YY1: variants seen among roughly 807,000 people sequenced by gnomAD.
YY1 encodes transcriptional repressor protein YY1.
In YY1, 2 loss-of-function variants were observed where a neutral mutation model predicts 35.6. The ratio of observed to expected loss-of-function variants is 0.06; its 90% CI spans 0.02 to 0.18. The LOEUF (loss-of-function observed/expected upper bound fraction) is 0.18, where lower values mean the gene tolerates loss of function less well. YY1 is among the 10% of genes least tolerant of loss of function. The pLI, the probability that YY1 is intolerant of heterozygous loss-of-function variation, is 1.00. For missense variants in YY1, 322 were observed against 573.4 expected (o/e 0.56, Z 4.48); for synonymous variants, 268 against 238.9 (o/e 1.12, Z -1.12).
chr14:100,246,339 CAT>C (rs1470912284), intron 1 of YY1, among the ~76,000 whole-genome samples: 1 of 152,228 alleles, frequency 6.6e-6, no homozygotes, highest in African/African-American at 2.4e-5. Context: ...TTGTGGGGGA[CAT>C]GTGCCTTCTC....
chr14:100,274,238 T>C (rs1891288313), intron 2 of YY1, among the ~76,000 whole-genome samples: 1 of 152,220 alleles, frequency 6.6e-6, no homozygotes, highest in Non-Finnish European at 1.5e-5. Context: ...AGATGGATAT[T>C]TTAGGACACT....
At chr14:100,244,749 A>T (rs1197621867) in intron 1 of YY1, among the ~76,000 whole-genome samples, 1 of 151,640 alleles carries the variant, frequency 6.6e-6, no homozygotes, top group East Asian at 1.9e-4. Flanking sequence ...TTTTTTAGGC[A>T]TGGGGTCTCC....
At chr14:100,272,781 G>A (rs1344311722) in intron 2 of YY1, among the ~76,000 whole-genome samples, 2 of 151,684 alleles carry the variant, frequency 1.3e-5, no homozygotes, top group Non-Finnish European at 2.9e-5. Context: ...CACTGTATCC[G>A]GTATGTAGTC....
intron 2 of YY1, among the ~76,000 whole-genome samples, chr14:100,267,564 G>T (rs940118976): frequency 6.6e-6 from 1 of 150,876 alleles, no homozygotes; most frequent in Non-Finnish European, 1.5e-5. Context: ...TTGCTCTGTC[G>T]CCAGGCTGGA....
intron 1 of YY1, among the ~76,000 whole-genome samples, chr14:100,261,658 A>G (rs928585165): frequency 9.2e-5 from 14 of 152,346 alleles, no homozygotes; most frequent in Middle Eastern, 3.4e-3. Context: ...TGGAAATTGC[A>G]TGAATAAACA....
Position 100,276,018 on chromosome 14 carries a change from G to T in YY1, c.904-472G>T, listed in dbSNP as rs35696661. 5.5e-6 allele frequency: 1 copy of T among 182,986 alleles called. No individual in the cohort carries two copies. The highest frequency in any genetic ancestry group is 2.4e-5 in the African/African-American group (1 of 41,834). 11.3% of individuals were successfully genotyped at this position (182,986 alleles called of 1,614,324 possible). A position where few individuals can be genotyped will look rare whatever the true frequency, so the allele number is the denominator to read the frequency against. On this transcript the variant is annotated intron_variant, in intron 3 of 4. Transcript: ENST00000262238. The surrounding 1 kb of genome is among the most constrained non-coding windows in gnomAD (Gnocchi z 4.1). The stretch of plus-strand genomic sequence containing the variant: ...AGAGGCAAAGAGAGAAGAGGGAACA[G>T]TAGGCGATGGAGAATGACAGTCCAT...
intron 2 of YY1, among the ~76,000 whole-genome samples, chr14:100,262,926 G>GAGACA (rs1360878069): frequency 1.3e-5 from 2 of 151,456 alleles, no homozygotes; most frequent in Admixed American, 6.6e-5. Flanking sequence ...TTATTTTTTT[G>GAGACA]AGACAAGAGT....
chr14:100,263,993 G>A (rs1891119739), intron 2 of YY1: 1 of 152,260 alleles, frequency 6.6e-6, no homozygotes, highest in East Asian at 1.9e-4. Flanking sequence ...GGAACTACAG[G>A]TGTGTGCCAC....
rs376868103 is a variant in YY1 at position 100,279,828 on chromosome 14, G to C, written c.*2228G>C. The C allele has an allele frequency of 6.6e-6, 1 of 152,324 alleles. No individual in the cohort carries two copies. The highest frequency in any genetic ancestry group is 1.5e-5 in the Non-Finnish European group (1 of 68,114). The allele number at this position is 152,324 out of a possible 1,614,324, so 9.4% of individuals were successfully genotyped here. ...TCAGGACCCTGCCCAAGGGCCCACC[G>C]CAGAGCACACCTATGCTATGGGGAG... On this transcript the variant is annotated 3_prime_UTR_variant, in exon 5 of 5. Coordinates refer to ENST00000262238, the MANE Select transcript of YY1 (RefSeq NM_003403.5).
In YY1 at chr14:100,239,174, C is replaced by T; in HGVS notation, c.-71C>T. The T allele has an allele frequency of 7.6e-7, 1 of 1,312,894 alleles. No individual in the cohort carries two copies. 81.3% of individuals were successfully genotyped at this position (1,312,894 alleles called of 1,614,324 possible). On this transcript the variant is annotated 5_prime_UTR_variant, in exon 1 of 5. Coordinates refer to ENST00000262238, the MANE Select transcript of YY1 (RefSeq NM_003403.5). Reference sequence around the variant, plus strand: ...TCTGCCTTCCTTCCCCACGGCCGGCCGCCTCCTCGCCCGCCCGCCCGCAGC... The same window carrying T: ...TCTGCCTTCCTTCCCCACGGCCGGCTGCCTCCTCGCCCGCCCGCCCGCAGC...
At chr14:100,248,809 T>A (rs1479972807) in intron 1 of YY1, among the ~76,000 whole-genome samples, 1 of 147,136 alleles carries the variant, frequency 6.8e-6, no homozygotes, top group Non-Finnish European at 1.5e-5. Context: ...TTCCTCAGCC[T>A]CCCGAGTAGC....
chr14:100,272,951 GTTGTTTTTTTT>G lies in YY1; in HGVS notation c.843-1733_843-1723del, dbSNP rs777325281. ...AGTAGTGGCCCCCAGCTAGTTTTTT[GTTGTTTTTTTT>G]TTGTTTTTTTTTTTTTGAGACGGTA... On this transcript the variant is annotated intron_variant, in intron 2 of 4. Transcript: ENST00000262238. 4.1e-3 allele frequency among the ~76,000 whole-genome samples: 300 copies of G among 73,096 alleles called. 1 individual carries two copies. Among genetic ancestry groups the G allele is most frequent in the Non-Finnish European group, 6.1e-3 (242 of 39,530 alleles). 48.0% of individuals were successfully genotyped at this position (73,096 alleles called of 152,430 possible).
chr14:100,272,512 G>A (rs1050356563), intron 2 of YY1, among the ~76,000 whole-genome samples: 6 of 151,964 alleles, frequency 3.9e-5, no homozygotes, highest in African/African-American at 1.4e-4. Flanking sequence ...AAGTGAAGAA[G>A]GACATTGTTA....
At chr14:100,256,868 T>C (rs1329098504) in intron 1 of YY1, among the ~76,000 whole-genome samples, 1 of 152,034 alleles carries the variant, frequency 6.6e-6, no homozygotes, top group Non-Finnish European at 1.5e-5. Flanking sequence ...CCACAATTTT[T>C]TTTTTTTTTA....
At position 100,239,200 on chromosome 14, in the gene YY1, C is replaced by A. The variant is rs977496039; in HGVS notation, c.-45C>A. On this transcript the variant is annotated 5_prime_UTR_variant, in exon 1 of 5. Transcript: ENST00000262238. The stretch of plus-strand genomic sequence containing the variant: ...GCCTCCTCGCCCGCCCGCCCGCAGC[C>A]GAGGAGCCGAGGCCGCCGCGGCCGT... The A allele has an allele frequency of 1.4e-6, 2 of 1,412,378 alleles. No homozygotes were observed. The highest frequency in any genetic ancestry group is 3.1e-5 in the African/African-American group (2 of 65,174). 87.5% of individuals were successfully genotyped at this position (1,412,378 alleles called of 1,614,324 possible). A position where few individuals can be genotyped will look rare whatever the true frequency, so the allele number is the denominator to read the frequency against.
chr14:100,272,126 C>A (rs1891247562), intron 2 of YY1, among the ~76,000 whole-genome samples: 1 of 151,886 alleles, frequency 6.6e-6, no homozygotes, highest in African/African-American at 2.4e-5. Flanking sequence ...GAAACCCCAT[C>A]TCTACAAAAA....
At chr14:100,267,868 T>C (rs1170839974) in intron 2 of YY1, among the ~76,000 whole-genome samples, 2 of 152,236 alleles carry the variant, frequency 1.3e-5, no homozygotes, top group Non-Finnish European at 2.9e-5. Context: ...AACAAATATC[T>C]GTAATTGGAC....
At chr14:100,262,275 GC>G in intron 1 of YY1, 28 bp from the exon 2 acceptor site, 1 of 1,612,236 alleles carries the variant, frequency 6.2e-7, no homozygotes. Flanking sequence ...TATTTACTCA[GC>G]TAAAGATAAT....
At chr14:100,243,173 G>A (rs1189636607) in intron 1 of YY1, among the ~76,000 whole-genome samples, 1 of 152,198 alleles carries the variant, frequency 6.6e-6, no homozygotes, top group Non-Finnish European at 1.5e-5. Context: ...CTGAAATGAC[G>A]TGATATACTC....
Sources: gnomAD v4.1 joint callset for allele counts (sites outside exome capture counted in the v4.1 genomes callset) on GRCh38, gnomAD v4.1.1 for gene constraint, Gnocchi (gnomAD v3.1) non-coding constraint, MANE v1.5 for transcripts, NCBI Gene and HGNC (gene_info 2026-07-23, HGNC 2026-07-21) for gene names.